Variants in SH2D4B observed in about 807,000 individuals in gnomAD.
SH2D4B encodes the protein SH2 domain-containing protein 4B.
A neutral mutation model predicts 61.5 loss-of-function variants in SH2D4B; 45 were observed. The observed-to-expected ratio is 0.73, with a 90% CI of 0.58 to 0.94. The LOEUF is 0.94. Among genes scored for constraint, SH2D4B ranks in the 40% least tolerant of loss-of-function variants. SH2D4B has a pLI of 0.00. For missense variants in SH2D4B, 572 were observed against 574.2 expected, an observed-to-expected ratio of 1.00 and a Z score of 0.04; for synonymous variants, 224 against 220.4, an observed-to-expected ratio of 1.02 and a Z score of -0.14.
chr10:80,635,560 A>G (rs1447765722), intron 7 of SH2D4B, among the ~76,000 whole-genome samples: 1 of 152,198 alleles, frequency 6.6e-6, no homozygotes, highest in Non-Finnish European at 1.5e-5. Context: ...AGAATCACCT[A>G]TTCACAGATA....
At chr10:80,597,932 A>T (rs1002426267) in intron 4 of SH2D4B, among the ~76,000 whole-genome samples, 1 of 152,192 alleles carries the variant, frequency 6.6e-6, no homozygotes, top group African/African-American at 2.4e-5. Flanking sequence ...CTTGAAAGAT[A>T]AGATGAGAAA....
At position 80,603,715 on chromosome 10, in the gene SH2D4B, C is replaced by G; in HGVS notation, c.780C>G (p.Gly260=). 1 of 1,613,598 alleles carries G rather than the reference C, an allele frequency of 6.2e-7. No homozygotes were observed. Among genetic ancestry groups the G allele is most frequent in the African/African-American group, 1.3e-5 (1 of 75,044 alleles). The part of the protein sequence containing the change: ...AGLSSMFREL[G]QSHEQEARLY... ...TCAGCTCCATGTTCCGGGAGCTTGG[C>G]CAGAGCCATGAGCAGGAGGCAAGAC... is the stretch of plus-strand genomic sequence containing the variant. The change falls in exon 5 of 8, where the codon GGC becomes GGG. Residue 260 remains glycine, a synonymous_variant. Coordinates refer to ENST00000646907, the MANE Select transcript of SH2D4B (RefSeq NM_001388272.1).
chr10:80,643,794 GTT>G (rs569340380), intron 7 of SH2D4B, among the ~76,000 whole-genome samples, 197 bp from the exon 8 acceptor site: 1 of 147,760 alleles, frequency 6.8e-6, no homozygotes, highest in East Asian at 2.0e-4. Flanking sequence ...CGATGACAAA[GTT>G]TTTTTTTTTC....
At chr10:80,560,517 T>G (rs1841890590) in intron 1 of SH2D4B, among the ~76,000 whole-genome samples, 1 of 151,556 alleles carries the variant, frequency 6.6e-6, no homozygotes, top group South Asian at 2.1e-4. Context: ...TTCCAAGTAG[T>G]TGGGACTATA....
At chr10:80,600,588 G>A (rs1479299297) in intron 4 of SH2D4B, among the ~76,000 whole-genome samples, 1 of 151,766 alleles carries the variant, frequency 6.6e-6, no homozygotes, top group Admixed American at 6.6e-5. Flanking sequence ...AGAAAGTAAG[G>A]AAAGTAGGCA....
At chr10:80,638,375 T>A (rs1317472381) in intron 7 of SH2D4B, among the ~76,000 whole-genome samples, 1 of 152,208 alleles carries the variant, frequency 6.6e-6, no homozygotes, top group Non-Finnish European at 1.5e-5. Flanking sequence ...CAGCTCCTCG[T>A]TGTACCTCTG....
chr10:80,616,962 C>T (rs1842668246), intron 6 of SH2D4B, among the ~76,000 whole-genome samples: 1 of 152,256 alleles, frequency 6.6e-6, no homozygotes. Context: ...TCACCATGCA[C>T]TTGCTGCTAG....
chr10:80,612,941 G>A (rs1842618329), intron 6 of SH2D4B, among the ~76,000 whole-genome samples: 1 of 152,212 alleles, frequency 6.6e-6, no homozygotes, highest in Non-Finnish European at 1.5e-5. Flanking sequence ...TTCCCCATCT[G>A]TGAAACTGGC....
In SH2D4B at chr10:80,644,010, T is replaced by C; in HGVS notation, c.1227T>C (p.Val409=). ...TGTTTTAGGAGGAAATTATCACTGTTTCAGGAGGAGAGTTACTTCAGGAAC... is the reference window on the plus strand; with the variant it reads ...TGTTTTAGGAGGAAATTATCACTGTCTCAGGAGGAGAGTTACTTCAGGAAC... ...VDFHKEEIIT[V]SGGELLQEPC... is the part of the protein sequence containing the mutation. Residue 409 remains valine (V), a synonymous_variant, in exon 8 of 8, where the codon GTT becomes GTC. Transcript: ENST00000646907. The C allele has an allele frequency of 6.2e-7, 1 of 1,613,960 alleles. No individual in the cohort carries two copies. The highest frequency in any genetic ancestry group is 1.1e-5 in the South Asian group (1 of 91,062).
chr10:80,637,783 C>T (rs1293765475), intron 7 of SH2D4B, among the ~76,000 whole-genome samples: 1 of 152,192 alleles, frequency 6.6e-6, no homozygotes, highest in Non-Finnish European at 1.5e-5. Context: ...TTATTTCTTT[C>T]TCCTGCCTGA....
intron 3 of SH2D4B, among the ~76,000 whole-genome samples, chr10:80,581,778 G>A (rs1842187880): frequency 6.6e-6 from 1 of 152,214 alleles, no homozygotes; most frequent in Admixed American, 6.5e-5. Context: ...GCACAAGGAA[G>A]TGGCAGCATG....
intron 5 of SH2D4B, among the ~76,000 whole-genome samples, chr10:80,604,107 A>G (rs113458118): frequency 6.6e-6 from 1 of 152,308 alleles, no homozygotes; most frequent in African/African-American, 2.4e-5. Flanking sequence ...ATGTTTGCAT[A>G]CAATTTGAGA....
intron 5 of SH2D4B, among the ~76,000 whole-genome samples, chr10:80,607,131 C>G (rs1425227220): frequency 1.3e-5 from 2 of 152,152 alleles, no homozygotes; most frequent in African/African-American, 4.8e-5. Flanking sequence ...CTTAGAAACT[C>G]TCTGCTTAGA....
intron 1 of SH2D4B, among the ~76,000 whole-genome samples, chr10:80,557,561 A>G (rs927178906): frequency 2.0e-5 from 3 of 152,138 alleles, no homozygotes; most frequent in South Asian, 2.1e-4. Flanking sequence ...TTCAAGGTGT[A>G]TGTTTCTTCT....
At chr10:80,607,102 G>T (rs1015271779) in intron 5 of SH2D4B, among the ~76,000 whole-genome samples, 5 of 152,200 alleles carry the variant, frequency 3.3e-5, no homozygotes, top group African/African-American at 1.2e-4. Context: ...TTTATATTCT[G>T]GGGGAGTCAG....
At chr10:80,542,461 G>A (rs1185942607) in intron 1 of SH2D4B, among the ~76,000 whole-genome samples, 2 of 137,746 alleles carry the variant, frequency 1.5e-5, no homozygotes, top group African/African-American at 5.5e-5. Context: ...GCAGTGGTGT[G>A]ATCTCGGCTC....
intron 1 of SH2D4B, among the ~76,000 whole-genome samples, chr10:80,541,509 G>A (rs1037133193): frequency 2.6e-5 from 4 of 152,130 alleles, no homozygotes; most frequent in African/African-American, 9.7e-5. Context: ...TGAGCATGAC[G>A]TGGGTTAGTC....
At chr10:80,574,555 C>T (rs1226920101) in intron 3 of SH2D4B, among the ~76,000 whole-genome samples, 5 of 151,844 alleles carry the variant, frequency 3.3e-5, no homozygotes, top group Admixed American at 6.6e-5. Context: ...GATCCACAGC[C>T]TGTGGTTGAG....
Position 80,644,179 on chromosome 10 carries a change from TC to T in SH2D4B, c.*96del. 1.1e-6 allele frequency: 1 copy of T among 942,042 alleles called. No individual in the cohort carries two copies. Among genetic ancestry groups the T allele is most frequent in the Non-Finnish European group, 1.7e-6 (1 of 601,166 alleles). 58.4% of individuals were successfully genotyped at this position (942,042 alleles called of 1,614,324 possible). ...TCAAATCCTATGGCCTTCTGGAAGA[TC>T]CACCACTATCCAAAGGAAAAAGTAG... On this transcript the variant is annotated 3_prime_UTR_variant, in exon 8 of 8. Coordinates refer to ENST00000646907, the MANE Select transcript of SH2D4B (RefSeq NM_001388272.1).
Sources: allele counts gnomAD v4.1 joint callset (sites outside exome capture counted in the v4.1 genomes callset), GRCh38; gene constraint gnomAD v4.1.1; transcripts MANE v1.5; gene names NCBI Gene and HGNC (gene_info 2026-07-23, HGNC 2026-07-21).